FAF1: variants seen among roughly 807,000 people sequenced by gnomAD.
FAF1 encodes FAS-associated factor 1.
A neutral mutation model predicts 92.5 loss-of-function variants in FAF1; 25 were observed. The observed-to-expected ratio is 0.27, with a 90% CI of 0.20 to 0.38. FAF1 has a LOEUF of 0.38. FAF1 is among the 10% of genes least tolerant of loss of function. The pLI, the probability that FAF1 is intolerant of heterozygous loss-of-function variation, is 1.00. For synonymous variants in FAF1, 234 were observed against 273.2 expected, an observed-to-expected ratio of 0.86 and a Z score of 1.42; for missense variants, 636 against 793.3, an observed-to-expected ratio of 0.80 and a Z score of 2.38.
At chr1:50,499,086 A>C (rs1409744015) in intron 15 of FAF1, among the ~76,000 whole-genome samples, 1 of 152,202 alleles carries the variant, frequency 6.6e-6, no homozygotes, top group Non-Finnish European at 1.5e-5. Context: ...ACATAGATGG[A>C]CCTTAAGGAC....
intron 2 of FAF1, among the ~76,000 whole-genome samples, chr1:50,804,237 AC>A (rs1231779111): frequency 6.6e-6 from 1 of 152,192 alleles, no homozygotes; most frequent in Non-Finnish European, 1.5e-5. Flanking sequence ...TTCAGCTAAT[AC>A]CAAAATGGAG....
chr1:50,766,892 G>A (rs748898755), intron 4 of FAF1, among the ~76,000 whole-genome samples: 16 of 150,892 alleles, frequency 1.1e-4, no homozygotes, highest in Non-Finnish European at 2.4e-4. Flanking sequence ...TAAGAACTCT[G>A]CCAATTTAAA....
intron 1 of FAF1, among the ~76,000 whole-genome samples, chr1:50,865,310 C>T (rs1002476486): frequency 2.8e-4 from 43 of 151,814 alleles, no homozygotes; most frequent in African/African-American, 1.0e-3. Flanking sequence ...ACTAGAAATA[C>T]CATTTGACCC....
intron 9 of FAF1, among the ~76,000 whole-genome samples, chr1:50,592,321 C>T (rs1014109180): frequency 5.3e-5 from 8 of 152,128 alleles, no homozygotes; most frequent in East Asian, 3.9e-4. Context: ...TCACTGTCAA[C>T]TGAGAACTGA....
At chr1:50,727,150 C>T (rs1658694014) in intron 6 of FAF1, among the ~76,000 whole-genome samples, 1 of 152,200 alleles carries the variant, frequency 6.6e-6, no homozygotes, top group South Asian at 2.1e-4. Context: ...CTTTATTGAC[C>T]TTACAACCCA....
chr1:50,830,158 C>T (rs1570018626), intron 2 of FAF1, among the ~76,000 whole-genome samples: 1 of 152,050 alleles, frequency 6.6e-6, no homozygotes, highest in African/African-American at 2.4e-5. Flanking sequence ...TGCTGTGTTG[C>T]CCAAGGTGGA....
At chr1:50,468,934 G>C (rs1478923907) in intron 18 of FAF1, among the ~76,000 whole-genome samples, 1 of 152,138 alleles carries the variant, frequency 6.6e-6, no homozygotes, top group Non-Finnish European at 1.5e-5. Context: ...TTACAATTTA[G>C]AAAATAAATT....
At chr1:50,473,017 A>G (rs532981238) in intron 18 of FAF1, among the ~76,000 whole-genome samples, 2 of 152,142 alleles carry the variant, frequency 1.3e-5, no homozygotes, top group Non-Finnish European at 1.5e-5. Flanking sequence ...ATCTGTTCTC[A>G]TTTGGACCAG....
At chr1:50,644,844 ATC>A (rs1372800947) in intron 8 of FAF1, among the ~76,000 whole-genome samples, 2 of 152,330 alleles carry the variant, frequency 1.3e-5, no homozygotes, top group Admixed American at 1.3e-4. Flanking sequence ...ATAAACTGAA[ATC>A]AAGACCCACA....
chr1:50,477,386 G>A (rs1193068893), intron 17 of FAF1, among the ~76,000 whole-genome samples: 1 of 152,152 alleles, frequency 6.6e-6, no homozygotes. Context: ...ATCAGATCTG[G>A]AAGGGGCTGC....
At chr1:50,814,122 C>T (rs1015894054) in intron 2 of FAF1, among the ~76,000 whole-genome samples, 1 of 152,050 alleles carries the variant, frequency 6.6e-6, no homozygotes, top group African/African-American at 2.4e-5. Context: ...CTTTCCCTCC[C>T]TAAATATCTC....
intron 8 of FAF1, among the ~76,000 whole-genome samples, chr1:50,640,583 T>C (rs1199410855): frequency 6.6e-6 from 1 of 152,102 alleles, no homozygotes; most frequent in Non-Finnish European, 1.5e-5. Context: ...ATTTTTAAAA[T>C]TATATTTGGG....
At chr1:50,460,892 T>C (rs546615199) in intron 18 of FAF1, among the ~76,000 whole-genome samples, 2 of 152,212 alleles carry the variant, frequency 1.3e-5, no homozygotes, top group South Asian at 4.2e-4. Context: ...GGCTCAAGCC[T>C]TCCTTCTGTC....
chr1:50,692,919 T>C (rs999304899), intron 7 of FAF1, among the ~76,000 whole-genome samples: 1 of 152,234 alleles, frequency 6.6e-6, no homozygotes, highest in Non-Finnish European at 1.5e-5. Context: ...AGATTATTTG[T>C]CTTTTTATTA....
At chr1:50,555,449 C>T (rs1649529261) in intron 13 of FAF1, among the ~76,000 whole-genome samples, 1 of 151,944 alleles carries the variant, frequency 6.6e-6, no homozygotes, top group Non-Finnish European at 1.5e-5. Flanking sequence ...AGTGGGGAAA[C>T]AACATGAACA....
intron 1 of FAF1, among the ~76,000 whole-genome samples, chr1:50,952,817 A>G (rs1235834791): frequency 6.6e-6 from 1 of 150,936 alleles, no homozygotes; most frequent in Non-Finnish European, 1.5e-5. Context: ...GGAAGCGAGG[A>G]GCCCCTCCGC....
At chr1:50,590,186 T>C (rs1364435340) in intron 9 of FAF1, among the ~76,000 whole-genome samples, 1 of 152,220 alleles carries the variant, frequency 6.6e-6, no homozygotes, top group African/African-American at 2.4e-5. Context: ...TGGATAAGTT[T>C]TTCTATTTCT....
intron 1 of FAF1, among the ~76,000 whole-genome samples, chr1:50,934,614 C>T (rs1315056658): frequency 3.9e-5 from 6 of 152,112 alleles, no homozygotes; most frequent in Non-Finnish European, 8.8e-5. Flanking sequence ...GTCTCAGCTA[C>T]ACAAGAGGCT....
intron 5 of FAF1, among the ~76,000 whole-genome samples, chr1:50,743,004 T>C (rs1045237377): frequency 6.6e-6 from 1 of 152,258 alleles, no homozygotes; most frequent in Admixed American, 6.5e-5. Context: ...ATAAACATAC[T>C]GAAACATAAT....
Sources: gnomAD v4.1 joint callset for allele counts (sites outside exome capture counted in the v4.1 genomes callset) on GRCh38, gnomAD v4.1.1 for gene constraint, MANE v1.5 for transcripts, NCBI Gene and HGNC (gene_info 2026-07-23, HGNC 2026-07-21) for gene names.